Variants in PTPN5 observed in about 807,000 individuals in gnomAD.
PTPN5 encodes the protein protein tyrosine phosphatase non-receptor type 5, also known as tyrosine-protein phosphatase non-receptor type 5.
PTPN5 carries 29 observed loss-of-function variants against 73.9 expected under a neutral mutation model. The ratio of observed to expected loss-of-function variants is 0.39; its 90% CI spans 0.29 to 0.54. PTPN5 has a LOEUF of 0.54. Ranked by LOEUF, PTPN5 falls within the 20% of genes least tolerant of loss-of-function variation. The probability of loss-of-function intolerance (pLI) is 0.65; values close to 1 mark genes in which losing one functional copy is unlikely to be tolerated. For missense variants in PTPN5, 652 were observed against 751.4 expected (o/e 0.87, Z 1.55); for synonymous variants, 267 against 304.7 (o/e 0.88, Z 1.29).
chr11:18,734,661 A>G (rs1196061638), intron 9 of PTPN5, among the ~76,000 whole-genome samples: 2 of 151,966 alleles, frequency 1.3e-5, no homozygotes, highest in Non-Finnish European at 2.9e-5. Flanking sequence ...CCTGGAGTAG[A>G]TTTTGTTTTG....
rs780149373 is a variant in PTPN5 at position 18,742,453 on chromosome 11, A to AG, written c.533dup (p.Glu179Ter). The AG allele has an allele frequency of 1.2e-6, 2 of 1,614,084 alleles. No individual in the cohort carries two copies. The highest frequency in any genetic ancestry group is 2.2e-5 in the South Asian group (2 of 91,076). On this transcript the variant is annotated frameshift_variant, in exon 7 of 15. Transcript: ENST00000358540. LOFTEE classifies it high-confidence loss of function. The surrounding 1 kb of genome is among the most constrained non-coding windows in gnomAD (Gnocchi z 4.1). ...GGCTCACTGACTGGCGCCTGTCCTC[A>AG]GGGGGCAGTGGGGTGGGTGGCTCTG...
chr11:18,739,693 C>T (rs1343931837), intron 8 of PTPN5, among the ~76,000 whole-genome samples: 1 of 152,226 alleles, frequency 6.6e-6, no homozygotes, highest in Non-Finnish European at 1.5e-5. Context: ...TTCTGTACCC[C>T]TGTGGCTTCT....
chr11:18,768,321 G>A (rs957477349), intron 2 of PTPN5, among the ~76,000 whole-genome samples: 3 of 152,334 alleles, frequency 2.0e-5, no homozygotes, highest in South Asian at 4.1e-4. Context: ...AACTGAGCCA[G>A]AGAATGGGGT....
At chr11:18,765,929 C>A (rs201779988) in intron 2 of PTPN5, 46 bp from the exon 3 acceptor site, 2 of 1,402,322 alleles carry the variant, frequency 1.4e-6, no homozygotes, top group African/African-American at 1.4e-5. Flanking sequence ...GAGCCAGGAT[C>A]AAGACAAAAA....
At chr11:18,768,747 C>A (rs1850745711) in intron 2 of PTPN5, among the ~76,000 whole-genome samples, 2 of 152,204 alleles carry the variant, frequency 1.3e-5, no homozygotes, top group South Asian at 4.1e-4. Context: ...CGAAGGACTC[C>A]AGGCAACCCC....
intron 3 of PTPN5, among the ~76,000 whole-genome samples, chr11:18,747,457 A>G (rs1206328542): frequency 2.0e-5 from 3 of 152,152 alleles, no homozygotes; most frequent in Non-Finnish European, 2.9e-5. Context: ...GGCCTGTATT[A>G]AGATATATGG....
intron 3 of PTPN5, among the ~76,000 whole-genome samples, chr11:18,762,834 T>C (rs1024024498): frequency 1.3e-5 from 2 of 152,236 alleles, no homozygotes; most frequent in African/African-American, 2.4e-5. Flanking sequence ...CATGATCATC[T>C]ACTGGTAAGT....
chr11:18,750,164 C>T (rs762572170), intron 3 of PTPN5, among the ~76,000 whole-genome samples: 5 of 152,210 alleles, frequency 3.3e-5, no homozygotes, highest in East Asian at 3.8e-4. Context: ...GAAGACTTAC[C>T]GTGTGCTGGG....
chr11:18,752,360 G>A (rs567720658), intron 3 of PTPN5, among the ~76,000 whole-genome samples: 1 of 152,320 alleles, frequency 6.6e-6, no homozygotes, highest in East Asian at 1.9e-4. Flanking sequence ...TAGAGATGAT[G>A]GGGAAAGGGG....
At chr11:18,737,371 C>T (rs1455749262) in intron 9 of PTPN5, among the ~76,000 whole-genome samples, 3 of 152,154 alleles carry the variant, frequency 2.0e-5, no homozygotes, top group African/African-American at 7.2e-5. Flanking sequence ...ACTCATTTGC[C>T]TGTGGGAGTG....
rs1337921021 is a variant in PTPN5, at chr11:18,791,773, ACC to A, written c.-364_-363del. 6.6e-6 allele frequency: 1 copy of A among 151,988 alleles called. No individual in the cohort carries two copies. The highest frequency in any genetic ancestry group is 1.5e-5 in the Non-Finnish European group (1 of 68,034). The allele number at this position is 151,988 out of a possible 1,614,324, so 9.4% of individuals were successfully genotyped here. A position where few individuals can be genotyped will look rare whatever the true frequency, so the allele number is the denominator to read the frequency against. On this transcript the variant is annotated 5_prime_UTR_variant, in exon 1 of 15. Coordinates refer to ENST00000358540, the MANE Select transcript of PTPN5 (RefSeq NM_006906.2). The stretch of plus-strand genomic sequence containing the variant: ...GCGCGCTCCCTCGCCCGACCGCCTC[ACC>A]AAATGCGCTTCAGCTGCAGAGTCGC...
At chr11:18,744,613 C>T (rs1849532916) in intron 3 of PTPN5, among the ~76,000 whole-genome samples, 1 of 152,052 alleles carries the variant, frequency 6.6e-6, no homozygotes, top group Non-Finnish European at 1.5e-5. Context: ...CATGCCTGCC[C>T]TGTGGATTTT....
At chr11:18,779,624 G>A (rs968083094) in intron 1 of PTPN5, among the ~76,000 whole-genome samples, 1 of 152,102 alleles carries the variant, frequency 6.6e-6, no homozygotes, top group African/African-American at 2.4e-5. Context: ...CCCTGGTCCT[G>A]GGCCAAGGAT....
At chr11:18,752,489 C>A (rs1283262619) in intron 3 of PTPN5, among the ~76,000 whole-genome samples, 2 of 152,170 alleles carry the variant, frequency 1.3e-5, no homozygotes. Flanking sequence ...TGGCTGGCAA[C>A]TGGGGTCGGT....
chr11:18,779,278 G>A (rs1450819935), intron 1 of PTPN5, among the ~76,000 whole-genome samples: 1 of 152,002 alleles, frequency 6.6e-6, no homozygotes, highest in African/African-American at 2.4e-5. Flanking sequence ...GTCTAACTGA[G>A]TCAGAAGCAG....
chr11:18,757,990 C>T (rs1024756560), intron 3 of PTPN5, among the ~76,000 whole-genome samples: 1 of 152,028 alleles, frequency 6.6e-6, no homozygotes, highest in African/African-American at 2.4e-5. Flanking sequence ...AGCAAAAGAG[C>T]CGAAGATTTA....
intron 7 of PTPN5, 33 bp from the exon 8 acceptor site, chr11:18,740,825 AG>A: frequency 7.1e-7 from 1 of 1,400,600 alleles, no homozygotes. Flanking sequence ...TGTGAGCCTC[AG>A]GGGCAGAGGG....
chr11:18,733,307 G>T lies in PTPN5; in HGVS notation c.1146C>A (p.Asp382Glu), dbSNP rs1297467072. ...GCTCCTGCCACACCATGCGCCAGAA[G>T]TCGGCGACCGTGCTGACGATGGGTC... ...TQGPIVSTVA[D>E]FWRMVWQEHT... Residue 382 changes from aspartate (D) to glutamate (E), a missense_variant, in exon 11 of 15, where the codon GAC becomes GAA. Asp to Glu is a conservative substitution (Grantham distance 45, BLOSUM62 2). Coordinates refer to ENST00000358540, the MANE Select transcript of PTPN5 (RefSeq NM_006906.2). The surrounding 1 kb of genome is among the most constrained non-coding windows in gnomAD (Gnocchi z 4.3). The T allele has an allele frequency of 6.2e-7, 1 of 1,614,164 alleles. No individual in the cohort carries two copies. The highest frequency in any genetic ancestry group is 1.3e-5 in the African/African-American group (1 of 75,054).
chr11:18,777,991 A>AAGGAAGG (rs1564929448), intron 1 of PTPN5, among the ~76,000 whole-genome samples: 4,187 of 92,482 alleles, frequency 0.045, 82 homozygotes, highest in Non-Finnish European at 0.061. Flanking sequence ...AGAAAGAAAG[A>AAGGAAGG]AAGGAAGGAA....
Sources: allele counts gnomAD v4.1 joint callset (sites outside exome capture counted in the v4.1 genomes callset), GRCh38; gene constraint gnomAD v4.1.1; non-coding constraint Gnocchi (gnomAD v3.1); transcripts MANE v1.5; gene names NCBI Gene and HGNC (gene_info 2026-07-23, HGNC 2026-07-21).